SCHIP1: variants seen among roughly 807,000 people sequenced by gnomAD.
SCHIP1 encodes schwannomin-interacting protein 1.
Under a neutral mutation model 29.7 loss-of-function variants are expected in SCHIP1, and 8 were observed. The ratio of observed to expected loss-of-function variants is 0.27; its 90% CI spans 0.16 to 0.49. SCHIP1 has a LOEUF of 0.49. SCHIP1 is among the 20% of genes least tolerant of loss of function. The pLI, the probability that SCHIP1 is intolerant of heterozygous loss-of-function variation, is 0.99. For missense variants in SCHIP1, 193 were observed against 294.6 expected (o/e 0.66, Z 2.52); for synonymous variants, 76 against 94.9 (o/e 0.80, Z 1.16).
the SCHIP1 span, among the ~76,000 whole-genome samples, chr3:159,772,943 G>A: frequency 6.6e-6 from 1 of 152,070 alleles, no homozygotes; most frequent in African/African-American, 2.4e-5. Flanking sequence ...ATTTCACTAT[G>A]TTGGCCAGGC....
the SCHIP1 span, among the ~76,000 whole-genome samples, chr3:159,615,732 G>A: frequency 2.6e-5 from 4 of 152,190 alleles, no homozygotes; most frequent in Non-Finnish European, 5.9e-5. Flanking sequence ...ATGCAGAAAC[G>A]ATGAGTCTAG....
chr3:159,495,056 G>A, the SCHIP1 span, among the ~76,000 whole-genome samples: 2,853 of 152,142 alleles, frequency 0.019, 97 homozygotes, highest in African/African-American at 0.066. Flanking sequence ...AAATTCAACA[G>A]CCCTTCATGC....
chr3:159,800,194 G>A, the SCHIP1 span, among the ~76,000 whole-genome samples: 2 of 152,204 alleles, frequency 1.3e-5, no homozygotes, highest in Non-Finnish European at 2.9e-5. Context: ...GTAAATGAAT[G>A]TAAACAAAAC....
intron 3 of SCHIP1, chr3:159,886,541 A>T (rs1716978198): frequency 4.6e-6 from 2 of 439,384 alleles, no homozygotes; most frequent in East Asian, 8.5e-5. Context: ...AACTATTTTC[A>T]TATTAAACCA....
the SCHIP1 span, among the ~76,000 whole-genome samples, chr3:159,520,323 G>A: frequency 5.3e-5 from 8 of 152,038 alleles, no homozygotes; most frequent in East Asian, 3.9e-4. Context: ...GGAGCTTCCC[G>A]GGCAGATGAG....
At chr3:159,315,803 C>T in the SCHIP1 span, among the ~76,000 whole-genome samples, 1 of 151,590 alleles carries the variant, frequency 6.6e-6, no homozygotes, top group East Asian at 1.9e-4. Context: ...AAGATTAAAA[C>T]AAAAGACAGA....
chr3:159,434,305 G>A, the SCHIP1 span, among the ~76,000 whole-genome samples: 1 of 152,142 alleles, frequency 6.6e-6, no homozygotes, highest in African/African-American at 2.4e-5. Flanking sequence ...CTGAGAGAGA[G>A]AGGAGGAAGG....
the SCHIP1 span, among the ~76,000 whole-genome samples, chr3:159,397,567 G>T: frequency 6.6e-6 from 1 of 152,176 alleles, no homozygotes; most frequent in African/African-American, 2.4e-5. Context: ...CAGGTCTGTT[G>T]GAGTACCCTG....
chr3:159,358,328 A>G, the SCHIP1 span, among the ~76,000 whole-genome samples: 1 of 152,232 alleles, frequency 6.6e-6, no homozygotes, highest in Non-Finnish European at 1.5e-5. Context: ...GTATCTGGCC[A>G]GTCCCCAGAA....
At chr3:159,530,421 C>A in the SCHIP1 span, among the ~76,000 whole-genome samples, 2 of 152,124 alleles carry the variant, frequency 1.3e-5, no homozygotes, top group African/African-American at 2.4e-5. Flanking sequence ...ACAGCCTTCT[C>A]CCTACCCTCA....
the SCHIP1 span, among the ~76,000 whole-genome samples, chr3:159,298,040 G>A: frequency 1.3e-5 from 2 of 152,230 alleles, no homozygotes; most frequent in African/African-American, 4.8e-5. Context: ...TATGAGGGTA[G>A]GGAGTTTGCT....
chr3:159,552,178 T>C, the SCHIP1 span, among the ~76,000 whole-genome samples: 1 of 151,760 alleles, frequency 6.6e-6, no homozygotes, highest in Admixed American at 6.6e-5. Flanking sequence ...CCCAAGTAGC[T>C]GGGATTACAG....
At chr3:159,764,989 C>T in the SCHIP1 span, 1 of 1,525,330 alleles carries the variant, frequency 6.6e-7, no homozygotes, top group Admixed American at 2.0e-5. The surrounding 1 kb of genome is among the most constrained non-coding windows in gnomAD (Gnocchi z 6.1). Flanking sequence ...GGGGCTCTGC[C>T]TTCAGCCCCC....
At chr3:159,609,166 G>C in the SCHIP1 span, among the ~76,000 whole-genome samples, 1 of 152,134 alleles carries the variant, frequency 6.6e-6, no homozygotes, top group Admixed American at 6.5e-5. Context: ...AAATTTTCCA[G>C]TGGAGGGAGG....
At chr3:159,793,684 A>C in the SCHIP1 span, among the ~76,000 whole-genome samples, 1 of 152,026 alleles carries the variant, frequency 6.6e-6, no homozygotes, top group Non-Finnish European at 1.5e-5. Context: ...CAGCCTCCCA[A>C]GTAGCTGGGA....
chr3:159,691,014 A>T, the SCHIP1 span, among the ~76,000 whole-genome samples: 1 of 152,144 alleles, frequency 6.6e-6, no homozygotes, highest in East Asian at 1.9e-4. Flanking sequence ...ACTTCCAATT[A>T]TGTGGTCGAT....
chr3:159,635,926 G>T, the SCHIP1 span, among the ~76,000 whole-genome samples: 1 of 152,110 alleles, frequency 6.6e-6, no homozygotes, highest in Non-Finnish European at 1.5e-5. Context: ...TATACGCCTT[G>T]TACTTTGTTA....
intron 2 of SCHIP1, among the ~76,000 whole-genome samples, chr3:159,880,946 A>T (rs1716376261): frequency 6.6e-6 from 1 of 152,206 alleles, no homozygotes; most frequent in African/African-American, 2.4e-5. Context: ...TTTAAGTAGT[A>T]ATAGGCATTT....
chr3:159,687,814 T>C, the SCHIP1 span, among the ~76,000 whole-genome samples: 1 of 152,200 alleles, frequency 6.6e-6, no homozygotes, highest in African/African-American at 2.4e-5. Context: ...TATGTCCTCA[T>C]TGTTCAACTT....
Sources: gnomAD v4.1 joint callset for allele counts (sites outside exome capture counted in the v4.1 genomes callset) on GRCh38, gnomAD v4.1.1 for gene constraint, Gnocchi (gnomAD v3.1) non-coding constraint, MANE v1.5 for transcripts, NCBI Gene and HGNC (gene_info 2026-07-23, HGNC 2026-07-21) for gene names.